OR4F17: variants seen among roughly 807,000 people sequenced by gnomAD.
OR4F17 encodes the protein olfactory receptor 4F17.
For missense variants in OR4F17, 1 was observed against 323.6 expected, an observed-to-expected ratio of 0.00 and a Z score of 7.65; for synonymous variants, 1 against 120.7, an observed-to-expected ratio of 0.01 and a Z score of 6.50.
chr19:108,079 A>C lies in OR4F17; in HGVS notation c.-55+524A>C, dbSNP rs1325021217. On this transcript the variant is annotated intron_variant, in intron 2 of 2. Coordinates refer to ENST00000585993, the MANE Select transcript of OR4F17 (RefSeq NM_001005240.3). ...TAAAATATATATTATAGAATATAATATATATTTTATTATATAATATATATT... is the reference window on the plus strand; with the variant it reads ...TAAAATATATATTATAGAATATAATCTATATTTTATTATATAATATATATT... 4.6e-4 allele frequency among the ~76,000 whole-genome samples: 56 copies of C among 122,492 alleles called. No homozygotes were observed. In the East Asian group the frequency reaches 0.012, roughly 27 times the overall value. 80.4% of individuals were successfully genotyped at this position (122,492 alleles called of 152,430 possible).
chr19:107,991 ATAATATATATTT>A, intron 2 of OR4F17, among the ~76,000 whole-genome samples: 1 of 88,008 alleles, frequency 1.1e-5, no homozygotes, highest in Non-Finnish European at 2.0e-5. Flanking sequence ...ATTATAGAAT[ATAATATATATTT>A]TATTATATAA....
At chr19:108,197 A>G (rs1209139252) in intron 2 of OR4F17, among the ~76,000 whole-genome samples, 2 of 133,532 alleles carry the variant, frequency 1.5e-5, no homozygotes, top group African/African-American at 2.9e-5. Context: ...TATATATTAT[A>G]TAAATATATA....
In OR4F17 at chr19:108,011, T is replaced by G. The variant is rs866189957; in HGVS notation, c.-55+456T>G. 6.3e-5 allele frequency among the ~76,000 whole-genome samples: 4 copies of G among 63,716 alleles called. No individual in the cohort carries two copies. The Admixed American group carries it at 7.8e-4, about 12-fold the overall frequency. 41.8% of individuals were successfully genotyped at this position (63,716 alleles called of 152,430 possible). On this transcript the variant is annotated intron_variant, in intron 2 of 2. Transcript: ENST00000585993. The stretch of plus-strand genomic sequence containing the variant: ...AGAATATAATATATATTTTATTATA[T>G]AATATATATTATATATTATAGAATA...
At chr19:107,990 TATA>T (rs1193152663) in intron 2 of OR4F17, among the ~76,000 whole-genome samples, 1 of 87,644 alleles carries the variant, frequency 1.1e-5, no homozygotes, top group Non-Finnish European at 2.0e-5. Flanking sequence ...TATTATAGAA[TATA>T]ATATATATTT....
In OR4F17 at chr19:107,842, A is replaced by T. The variant is rs371918822; in HGVS notation, c.-55+287A>T. ...TAATATATAATATAAATATAATATA[A>T]ATTATATAAATATAATATATATTTT... On this transcript the variant is annotated intron_variant, in intron 2 of 2. Coordinates refer to ENST00000585993, the MANE Select transcript of OR4F17 (RefSeq NM_001005240.3). Among the ~76,000 whole-genome samples the T allele has an allele frequency of 9.4e-4, 86 of 91,870 alleles. 3 individuals are homozygous for T. The South Asian group carries it at 0.016, about 17-fold the overall frequency. The allele number at this position is 91,870 out of a possible 152,430, so 60.3% of individuals were successfully genotyped here.
rs562207221 is a variant in OR4F17, at chr19:109,905, T to C, written c.-54-720T>C. Among the ~76,000 whole-genome samples, 23 of 152,288 alleles carry C rather than the reference T, an allele frequency of 1.5e-4. No homozygotes were observed. In the South Asian group the frequency reaches 2.7e-3, roughly 18 times the overall value. On this transcript the variant is annotated intron_variant, in intron 2 of 2. Transcript: ENST00000585993. The stretch of plus-strand genomic sequence containing the variant: ...ACCACAACCTGCAGTTATTACCTAC[T>C]GTTAGGCTTAAAATAATTACTTGGC...
rs1170349716 is a variant in OR4F17, at chr19:109,645, G to A, written c.-54-980G>A. Among the ~76,000 whole-genome samples, 26 of 135,636 alleles carry A rather than the reference G, an allele frequency of 1.9e-4. No individual in the cohort carries two copies. The East Asian group carries it at 2.7e-3, about 14-fold the overall frequency. The allele number at this position is 135,636 out of a possible 152,430, so 89.0% of individuals were successfully genotyped here. A position where few individuals can be genotyped will look rare whatever the true frequency, so the allele number is the denominator to read the frequency against. Reference sequence around the variant, plus strand: ...TGCTAGAAAATTTATATACCTGGTCGTATCCAATCCTCACAGAACTTCTAT... The same window carrying A: ...TGCTAGAAAATTTATATACCTGGTCATATCCAATCCTCACAGAACTTCTAT... On this transcript the variant is annotated intron_variant, in intron 2 of 2. Coordinates refer to ENST00000585993, the MANE Select transcript of OR4F17 (RefSeq NM_001005240.3).
intron 2 of OR4F17, among the ~76,000 whole-genome samples, chr19:109,051 C>G (rs1457658135): frequency 6.6e-6 from 1 of 151,428 alleles, no homozygotes; most frequent in Non-Finnish European, 1.5e-5. Context: ...TAACAGTATT[C>G]CTCCAAAAAA....
At chr19:107,813 TATATAATATATA>T (rs1430791377) in intron 2 of OR4F17, among the ~76,000 whole-genome samples, 4 of 122,470 alleles carry the variant, frequency 3.3e-5, no homozygotes, top group African/African-American at 1.2e-4. Context: ...TAATATATAT[TATATAATATATA>T]ATATAAATAT....
chr19:109,986 C>T (rs1375805374), intron 2 of OR4F17, among the ~76,000 whole-genome samples: 1 of 150,392 alleles, frequency 6.6e-6, no homozygotes, highest in Non-Finnish European at 1.5e-5. Context: ...CTAAATTAAA[C>T]AATCATTCAA....
At chr19:109,134 T>C (rs1968672091) in intron 2 of OR4F17, among the ~76,000 whole-genome samples, 1 of 152,222 alleles carries the variant, frequency 6.6e-6, no homozygotes. Flanking sequence ...TTCTCTCTTT[T>C]ACATCTTACT....
chr19:110,080 AT>A (rs1254842545), intron 2 of OR4F17, among the ~76,000 whole-genome samples: 1 of 146,424 alleles, frequency 6.8e-6, no homozygotes, highest in Non-Finnish European at 1.5e-5. Context: ...TTTATCTCCT[AT>A]GAAAGTCCTT....
intron 2 of OR4F17, among the ~76,000 whole-genome samples, chr19:109,922 T>C (rs1968683804): frequency 6.6e-6 from 1 of 152,180 alleles, no homozygotes; most frequent in Non-Finnish European, 1.5e-5. Context: ...CTTAAAATAA[T>C]TACTTGGCTT....
At chr19:109,710 C>T (rs1301418828) in intron 2 of OR4F17, among the ~76,000 whole-genome samples, 5 of 137,130 alleles carry the variant, frequency 3.6e-5, no homozygotes, top group African/African-American at 1.3e-4. Context: ...CAGATGTGGC[C>T]GTAAGACTGA....
chr19:108,159 T>A (rs1396510536), intron 2 of OR4F17, among the ~76,000 whole-genome samples: 1 of 124,346 alleles, frequency 8.0e-6, no homozygotes, highest in East Asian at 2.3e-4. Context: ...ATATAAAATA[T>A]GTATAATATA....
intron 2 of OR4F17, among the ~76,000 whole-genome samples, chr19:107,886 TATTATATAATATAATATAATATAA>T (rs1568168756): frequency 2.1e-4 from 6 of 27,934 alleles, no homozygotes; most frequent in African/African-American, 8.1e-4. Context: ...ATATAATATA[TATTATATAATATAATATAATATAA>T]ATTATATAAA....
intron 2 of OR4F17, among the ~76,000 whole-genome samples, chr19:109,157 CTT>C (rs1254880509): frequency 6.6e-6 from 1 of 152,242 alleles, no homozygotes; most frequent in Non-Finnish European, 1.5e-5. Flanking sequence ...CCCATTAACT[CTT>C]ATACCTAATC....
At chr19:108,108 GAATAT>G (rs1568168938) in intron 2 of OR4F17, among the ~76,000 whole-genome samples, 3 of 62,966 alleles carry the variant, frequency 4.8e-5, no homozygotes, top group Non-Finnish European at 1.0e-4. Flanking sequence ...ATATATTATA[GAATAT>G]AATATATATT....
intron 2 of OR4F17, among the ~76,000 whole-genome samples, chr19:110,207 T>C (rs1489921343): frequency 6.6e-6 from 1 of 150,380 alleles, no homozygotes; most frequent in Non-Finnish European, 1.5e-5. Flanking sequence ...TGTGATATTA[T>C]TTTTTCTTTT....
Sources: gnomAD v4.1 joint callset for allele counts (sites outside exome capture counted in the v4.1 genomes callset) on GRCh38, gnomAD v4.1.1 for gene constraint, MANE v1.5 for transcripts, NCBI Gene and HGNC (gene_info 2026-07-23, HGNC 2026-07-21) for gene names.